Variants in FOXJ3 observed in about 807,000 individuals in gnomAD.
The protein encoded by FOXJ3 is forkhead box J3, also known as forkhead box protein J3.
In FOXJ3, 22 loss-of-function variants were observed where a neutral mutation model predicts 76.1. That is an observed-to-expected ratio of 0.29 (90% CI 0.21 to 0.41). The LOEUF is 0.41. FOXJ3 is among the 10% of genes least tolerant of loss of function. The probability of loss-of-function intolerance (pLI) is 1.00; values close to 1 mark genes in which losing one functional copy is unlikely to be tolerated. For missense variants in FOXJ3, 613 were observed against 762.1 expected (o/e 0.80, Z 2.30); for synonymous variants, 269 against 261.2 (o/e 1.03, Z -0.29).
Position 42,191,602 on chromosome 1 carries a change from T to G in FOXJ3, c.1052A>C (p.Asn351Thr). 6.2e-7 allele frequency: 1 copy of G among 1,614,156 alleles called. No individual in the cohort carries two copies. Among genetic ancestry groups the G allele is most frequent in the Non-Finnish European group, 8.5e-7 (1 of 1,180,014 alleles). Residue 351 changes from asparagine (N) to threonine (T), a missense_variant, in exon 9 of 13, where the codon AAC (asparagine) becomes ACC (threonine). Transcript: ENST00000361346. Reference protein sequence around the residue: ...HPHSNQSSLSNSHGSGLNTTG... With the variant: ...HPHSNQSSLSTSHGSGLNTTG... ...GGTGTTGAGGCCACTGCCATGACTG[T>G]TGGACAGGCTGCTTTGGTTGCTGTG...
intron 3 of FOXJ3, among the ~76,000 whole-genome samples, chr1:42,267,085 T>A (rs1271703285): frequency 2.0e-5 from 3 of 151,882 alleles, no homozygotes; most frequent in Non-Finnish European, 2.9e-5. Context: ...CACCCAAAAG[T>A]AACTACAGAT....
chr1:42,240,984 A>T (rs1649092680), intron 4 of FOXJ3, among the ~76,000 whole-genome samples: 1 of 152,232 alleles, frequency 6.6e-6, no homozygotes, highest in Non-Finnish European at 1.5e-5. Flanking sequence ...ATAGCATCTA[A>T]GACAGAACAC....
intron 12 of FOXJ3, 28 bp downstream of exon 12, chr1:42,181,889 A>T (rs1569747951): frequency 7.1e-7 from 1 of 1,410,006 alleles, no homozygotes; most frequent in East Asian, 2.3e-5. Context: ...ACACACACAC[A>T]CACACTCACT....
At chr1:42,274,446 T>A (rs977604057) in intron 3 of FOXJ3, among the ~76,000 whole-genome samples, 1 of 152,222 alleles carries the variant, frequency 6.6e-6, no homozygotes, top group African/African-American at 2.4e-5. Context: ...GAATTATGCA[T>A]CTTGTGTAAT....
intron 2 of FOXJ3, among the ~76,000 whole-genome samples, chr1:42,295,396 C>T (rs1462999446): frequency 6.6e-6 from 1 of 151,924 alleles, no homozygotes; most frequent in Non-Finnish European, 1.5e-5. Flanking sequence ...TCATTCTTTT[C>T]TATGCTGCAT....
chr1:42,185,531 A>T (rs1303617225), intron 11 of FOXJ3, among the ~76,000 whole-genome samples: 2 of 151,942 alleles, frequency 1.3e-5, no homozygotes, highest in African/African-American at 4.8e-5. Context: ...AAGTGAACAT[A>T]CTGTATTTCT....
intron 12 of FOXJ3, among the ~76,000 whole-genome samples, chr1:42,181,464 T>C (rs970753109): frequency 3.3e-5 from 5 of 152,204 alleles, no homozygotes; most frequent in Admixed American, 3.3e-4. Flanking sequence ...GCTAATAAAG[T>C]AGGTTCCTAA....
intron 2 of FOXJ3, among the ~76,000 whole-genome samples, chr1:42,305,756 G>A (rs1271247353): frequency 3.3e-5 from 5 of 152,162 alleles, no homozygotes; most frequent in African/African-American, 2.4e-5. Context: ...TGGTTAACGG[G>A]TACAAAAAAA....
At chr1:42,322,048 T>A (rs1051673299) in intron 1 of FOXJ3, among the ~76,000 whole-genome samples, 2 of 151,920 alleles carry the variant, frequency 1.3e-5, no homozygotes, top group Non-Finnish European at 2.9e-5. Context: ...AAATGATGGC[T>A]GAATTGTCAT....
chr1:42,205,875 G>A lies in FOXJ3; in HGVS notation c.529-12C>T, dbSNP rs372353811. On this transcript the variant is annotated splice_polypyrimidine_tract_variant and intron_variant, in intron 5 of 12. Transcript: ENST00000361346. ...TATGGAGTTGAGGCCTAAAATACAA[G>A]AACAAAATAAATAATTATTAGCTCA... The A allele has an allele frequency of 3.2e-5, 47 of 1,476,994 alleles. No homozygotes were observed. The highest frequency in any genetic ancestry group is 4.2e-5 in the African/African-American group (3 of 71,914). The allele number at this position is 1,476,994 out of a possible 1,614,324, so 91.5% of individuals were successfully genotyped here. A position where few individuals can be genotyped will look rare whatever the true frequency, so the allele number is the denominator to read the frequency against.
intron 3 of FOXJ3, among the ~76,000 whole-genome samples, chr1:42,275,795 A>C (rs953851348): frequency 3.9e-5 from 6 of 152,256 alleles, no homozygotes; most frequent in Non-Finnish European, 7.3e-5. Flanking sequence ...AGGAAGATAC[A>C]ATATAGCCCT....
chr1:42,278,829 T>G (rs753013236), intron 2 of FOXJ3, among the ~76,000 whole-genome samples, 157 bp from the exon 3 acceptor site: 35 of 152,198 alleles, frequency 2.3e-4, no homozygotes, highest in Non-Finnish European at 4.3e-4. Flanking sequence ...ACCAAATATT[T>G]AAGGGATCAA....
In FOXJ3 at chr1:42,290,288, T is replaced by A. The variant is rs75685598; in HGVS notation, c.45-11616A>T. Among the ~76,000 whole-genome samples, 468 of 152,264 alleles carry A rather than the reference T, an allele frequency of 3.1e-3. 4 individuals carry two copies. Among genetic ancestry groups the A allele is most frequent in the African/African-American group, 0.011 (450 of 41,574 alleles). On this transcript the variant is annotated intron_variant, in intron 2 of 12. Coordinates refer to ENST00000361346, the MANE Select transcript of FOXJ3 (RefSeq NM_014947.5). ...GTTAAGCTAGAATCCCTTAAGGTTATGGATCTCACCATGAGTCAGCTGACC... is the reference window on the plus strand; with the variant it reads ...GTTAAGCTAGAATCCCTTAAGGTTAAGGATCTCACCATGAGTCAGCTGACC...
chr1:42,318,234 C>G (rs1655235222), intron 1 of FOXJ3, among the ~76,000 whole-genome samples: 2 of 152,128 alleles, frequency 1.3e-5, no homozygotes, highest in African/African-American at 4.8e-5. Flanking sequence ...GACTAATAAT[C>G]CAATTTAATA....
chr1:42,283,159 A>G (rs1439828575), intron 2 of FOXJ3, among the ~76,000 whole-genome samples: 1 of 152,230 alleles, frequency 6.6e-6, no homozygotes, highest in Non-Finnish European at 1.5e-5. Context: ...AAATGAGAAT[A>G]TGGGAGTAAG....
intron 4 of FOXJ3, among the ~76,000 whole-genome samples, chr1:42,250,081 TTGGGTTTTTACTCA>T (rs1471267200): frequency 1.3e-5 from 2 of 152,168 alleles, no homozygotes; most frequent in African/African-American, 4.8e-5. Context: ...GGAAGTAGAC[TTGGGTTTTTACTCA>T]TGTGCCATAA....
At chr1:42,301,199 CT>C (rs1419000596) in intron 2 of FOXJ3, among the ~76,000 whole-genome samples, 1 of 151,382 alleles carries the variant, frequency 6.6e-6, no homozygotes, top group East Asian at 1.9e-4. Context: ...GACTTTTTCA[CT>C]TTTTTTTTCT....
chr1:42,184,793 AC>A (rs1234856517), intron 11 of FOXJ3, among the ~76,000 whole-genome samples: 1 of 151,942 alleles, frequency 6.6e-6, no homozygotes, highest in East Asian at 1.9e-4. Context: ...TTGAGGAAAA[AC>A]AACGGAACAA....
chr1:42,224,411 A>G (rs1647380975), intron 5 of FOXJ3, among the ~76,000 whole-genome samples: 1 of 152,068 alleles, frequency 6.6e-6, no homozygotes, highest in Non-Finnish European at 1.5e-5. Context: ...TGGAGGGGAC[A>G]GGTAAGTATT....
Sources: allele counts gnomAD v4.1 joint callset (sites outside exome capture counted in the v4.1 genomes callset), GRCh38; gene constraint gnomAD v4.1.1; transcripts MANE v1.5; gene names NCBI Gene and HGNC (gene_info 2026-07-23, HGNC 2026-07-21).